Variants in TMEM178B observed in about 807,000 individuals in gnomAD.
TMEM178B encodes the protein transmembrane protein 178B.
TMEM178B carries 5 observed loss-of-function variants against 31.0 expected under a neutral mutation model. The observed-to-expected ratio is 0.16, with a 90% CI of 0.08 to 0.34. The LOEUF is 0.34. Among genes scored for constraint, TMEM178B ranks in the 10% least tolerant of loss-of-function variants. The probability of loss-of-function intolerance (pLI) is 1.00; values close to 1 mark genes in which losing one functional copy is unlikely to be tolerated. For synonymous variants in TMEM178B, 164 were observed against 164.0 expected, an observed-to-expected ratio of 1.00 and a Z score of 0.00; for missense variants, 275 against 400.3, an observed-to-expected ratio of 0.69 and a Z score of 2.67.
At chr7:141,300,472 A>C (rs1798704421) in intron 2 of TMEM178B, among the ~76,000 whole-genome samples, 1 of 152,194 alleles carries the variant, frequency 6.6e-6, no homozygotes, top group Non-Finnish European at 1.5e-5. Flanking sequence ...CACTAGAAAA[A>C]GAGTTCAGGT....
intron 3 of TMEM178B, among the ~76,000 whole-genome samples, chr7:141,468,203 A>G (rs10282626): frequency 0.12 from 18,590 of 152,172 alleles, 3,397 homozygotes; most frequent in African/African-American, 0.4. Context: ...AAGTGTGGTC[A>G]TTGAGCCAGC....
At chr7:141,334,293 A>G (rs1313159160) in intron 2 of TMEM178B, among the ~76,000 whole-genome samples, 1 of 152,222 alleles carries the variant, frequency 6.6e-6, no homozygotes, top group Non-Finnish European at 1.5e-5. Flanking sequence ...GGTAAGTTAC[A>G]TAATGTATGT....
rs117722184 is a variant in TMEM178B at position 141,438,024 on chromosome 7, C to T, written c.634+279C>T. On this transcript the variant is annotated intron_variant, in intron 3 of 3. Transcript: ENST00000565468. ...GACACTTACGGAGATGATCATGAGA[C>T]GGGTGGTTACGGCAGATGGAGATAT... Among the ~76,000 whole-genome samples the T allele has an allele frequency of 2.9e-3, 438 of 152,228 alleles. 3 individuals carry two copies. The highest frequency in any genetic ancestry group is 0.016 in the East Asian group (83 of 5,176).
At chr7:141,139,729 C>G (rs1262505397) in intron 1 of TMEM178B, among the ~76,000 whole-genome samples, 1 of 151,886 alleles carries the variant, frequency 6.6e-6, no homozygotes, top group African/African-American at 2.4e-5. Context: ...TACTGAGAAA[C>G]TAAACTCCTG....
chr7:141,303,192 A>T lies in TMEM178B; in HGVS notation c.496+90488A>T, dbSNP rs144393899. 5.3e-5 allele frequency among the ~76,000 whole-genome samples: 8 copies of T among 152,162 alleles called. No individual in the cohort carries two copies. In the East Asian group the frequency reaches 1.5e-3, roughly 29 times the overall value. ...TGGGGATGTTAGCCTGTCTTTGCCC[A>T]TTGCTACGCTTCCTCCTCTTCAATC... On this transcript the variant is annotated intron_variant, in intron 2 of 3. Transcript: ENST00000565468.
intron 2 of TMEM178B, among the ~76,000 whole-genome samples, chr7:141,380,434 G>T (rs1405295475): frequency 6.6e-6 from 1 of 152,134 alleles, no homozygotes; most frequent in Non-Finnish European, 1.5e-5. Flanking sequence ...TAAACTTGAT[G>T]ACTTTCATTC....
the TMEM178B span, among the ~76,000 whole-genome samples, chr7:141,489,835 T>C: frequency 7.2e-5 from 11 of 152,294 alleles, no homozygotes; most frequent in African/African-American, 2.6e-4. Flanking sequence ...ATAATGTAAA[T>C]AACATCCTCT....
intron 1 of TMEM178B, among the ~76,000 whole-genome samples, chr7:141,149,281 G>A (rs1795914300): frequency 6.6e-6 from 1 of 152,212 alleles, no homozygotes; most frequent in South Asian, 2.1e-4. Context: ...TTTAGGCCAG[G>A]TGCAGTGGCT....
Position 141,472,452 on chromosome 7 carries a change from T to C in TMEM178B, c.*1666T>C, listed in dbSNP as rs759441654. 8 of 152,156 alleles carry C rather than the reference T, an allele frequency of 5.3e-5. No homozygotes were observed. The highest frequency in any genetic ancestry group is 8.8e-5 in the Non-Finnish European group (6 of 68,056). The allele number at this position is 152,156 out of a possible 1,614,324, so 9.4% of individuals were successfully genotyped here. A position where few individuals can be genotyped will look rare whatever the true frequency, so the allele number is the denominator to read the frequency against. Reference sequence around the variant, plus strand: ...TGGCAAGCAAAGTCAGCCAGAGAGTTGTGAACGCTGTAGGGGTGGGAGTCT... The same window carrying C: ...TGGCAAGCAAAGTCAGCCAGAGAGTCGTGAACGCTGTAGGGGTGGGAGTCT... On this transcript the variant is annotated 3_prime_UTR_variant, in exon 4 of 4. Coordinates refer to ENST00000565468, the MANE Select transcript of TMEM178B (RefSeq NM_001195278.2).
intron 2 of TMEM178B, among the ~76,000 whole-genome samples, chr7:141,357,171 A>G (rs1402987989): frequency 6.6e-6 from 1 of 152,204 alleles, no homozygotes; most frequent in Non-Finnish European, 1.5e-5. Context: ...CTTAAAAGTT[A>G]AGTTGCCTCA....
At chr7:141,078,911 T>C (rs1439337449) in intron 1 of TMEM178B, among the ~76,000 whole-genome samples, 3 of 152,100 alleles carry the variant, frequency 2.0e-5, no homozygotes. Context: ...AGGGAGCTCG[T>C]ATATCAAATC....
chr7:141,367,030 C>T (rs73739812), intron 2 of TMEM178B, among the ~76,000 whole-genome samples: 18,544 of 134,180 alleles, frequency 0.14, 2,180 homozygotes, highest in African/African-American at 0.33. Context: ...TATGTCCCTC[C>T]GTTGTTTGTT....
chr7:141,096,928 A>G (rs1794969743), intron 1 of TMEM178B, among the ~76,000 whole-genome samples: 1 of 151,992 alleles, frequency 6.6e-6, no homozygotes, highest in South Asian at 2.1e-4. Context: ...TCTCTACAAA[A>G]AATTTTAAAA....
intron 2 of TMEM178B, among the ~76,000 whole-genome samples, chr7:141,378,313 C>T (rs114143741): frequency 0.028 from 4,260 of 152,206 alleles, 185 homozygotes; most frequent in African/African-American, 0.097. Flanking sequence ...TAGTGTCTTC[C>T]AGACCCCTCC....
At chr7:141,167,191 G>A (rs1316328724) in intron 1 of TMEM178B, among the ~76,000 whole-genome samples, 1 of 152,200 alleles carries the variant, frequency 6.6e-6, no homozygotes, top group Non-Finnish European at 1.5e-5. Context: ...GAGGACACAT[G>A]GAACTAGTCT....
At chr7:141,188,306 C>A (rs143771365) in intron 1 of TMEM178B, among the ~76,000 whole-genome samples, 3 of 152,252 alleles carry the variant, frequency 2.0e-5, no homozygotes, top group Admixed American at 6.5e-5. Flanking sequence ...CTGAAATTAT[C>A]CAAAATCTGA....
chr7:141,480,859 G>A (rs974922166), downstream of TMEM178B, among the ~76,000 whole-genome samples: 2 of 152,176 alleles, frequency 1.3e-5, no homozygotes, highest in South Asian at 2.1e-4. Flanking sequence ...ACACCTGGGT[G>A]GGAGGCTAGG....
intron 2 of TMEM178B, among the ~76,000 whole-genome samples, chr7:141,328,525 G>T (rs1397387052): frequency 6.6e-6 from 1 of 152,222 alleles, no homozygotes; most frequent in Non-Finnish European, 1.5e-5. Context: ...GTCACTCAGG[G>T]TCTCTGGGTC....
chr7:141,123,339 T>C (rs1387909198), intron 1 of TMEM178B, among the ~76,000 whole-genome samples: 1 of 152,260 alleles, frequency 6.6e-6, no homozygotes, highest in Non-Finnish European at 1.5e-5. Context: ...TGTCTGTCAT[T>C]GTGAAGATTC....
Sources: allele counts gnomAD v4.1 joint callset (sites outside exome capture counted in the v4.1 genomes callset), GRCh38; gene constraint gnomAD v4.1.1; transcripts MANE v1.5; gene names NCBI Gene and HGNC (gene_info 2026-07-23, HGNC 2026-07-21).